The following APBB2 variants were observed in gnomAD, a reference collection of about 807,000 sequenced individuals.
APBB2 encodes the protein Fe65-like 1.
In APBB2, 38 loss-of-function variants were observed where a neutral mutation model predicts 82.5. The ratio of observed to expected loss-of-function variants is 0.46; its 90% CI spans 0.36 to 0.60. The LOEUF is 0.60. Among genes scored for constraint, APBB2 ranks in the 20% least tolerant of loss-of-function variants. The pLI is 0.00. For synonymous variants in APBB2, 341 were observed against 368.2 expected, an observed-to-expected ratio of 0.93 and a Z score of 0.85; for missense variants, 772 against 972.3, an observed-to-expected ratio of 0.79 and a Z score of 2.74.
intron 4 of APBB2, among the ~76,000 whole-genome samples, chr4:41,036,799 T>C (rs1046277739): frequency 1.3e-5 from 2 of 152,202 alleles, no homozygotes; most frequent in African/African-American, 4.8e-5. Context: ...GAGGTACAAC[T>C]ATGCAGAACT....
At chr4:41,068,491 G>A (rs1732693799) in intron 3 of APBB2, among the ~76,000 whole-genome samples, 1 of 152,126 alleles carries the variant, frequency 6.6e-6, no homozygotes. Context: ...TGAGATGACA[G>A]GTAAATGGTC....
intron 6 of APBB2, among the ~76,000 whole-genome samples, chr4:40,948,682 C>T (rs1372517522): frequency 2.0e-5 from 3 of 149,872 alleles, no homozygotes; most frequent in African/African-American, 7.4e-5. Context: ...ATCACTTGAA[C>T]CCAGGAGGCG....
intron 12 of APBB2, chr4:40,880,527 T>G (rs1434117966): frequency 1.0e-6 from 1 of 985,354 alleles, no homozygotes; most frequent in African/African-American, 1.7e-5. Context: ...TATGACTTCC[T>G]CTGTTCTCAA....
At position 40,841,430 on chromosome 4, in the gene APBB2, A is replaced by G. The variant is rs551877815; in HGVS notation, c.1530-10853T>C. On this transcript the variant is annotated intron_variant, in intron 12 of 17. Transcript: ENST00000508593. ...GGAATCATGGAGCTTAAAGTCCCCA[A>G]TCAATCAAACGGGCAGGCGGACATG... Among the ~76,000 whole-genome samples, 110 of 151,364 alleles carry G rather than the reference A, an allele frequency of 7.3e-4. 1 individual carries two copies. Among genetic ancestry groups the G allele is most frequent in the African/African-American group, 2.5e-3 (103 of 40,662 alleles).
chr4:40,939,934 G>A (rs1191333896), intron 7 of APBB2, among the ~76,000 whole-genome samples: 5 of 152,186 alleles, frequency 3.3e-5, no homozygotes, highest in African/African-American at 1.2e-4. Flanking sequence ...GCAGTGCAAT[G>A]CAGAAACTAC....
At chr4:41,100,289 C>T (rs147875041) in intron 3 of APBB2, among the ~76,000 whole-genome samples, 1 of 152,274 alleles carries the variant, frequency 6.6e-6, no homozygotes, top group Non-Finnish European at 1.5e-5. Context: ...GTCTAAAACA[C>T]CTGAAAGCTC....
intron 3 of APBB2, among the ~76,000 whole-genome samples, chr4:41,067,458 G>A (rs975584986): frequency 4.6e-5 from 7 of 152,128 alleles, no homozygotes; most frequent in African/African-American, 1.7e-4. Context: ...AGATTCAGGG[G>A]GAGATACTGA....
At chr4:41,115,350 A>G (rs1750620151) in intron 2 of APBB2, among the ~76,000 whole-genome samples, 2 of 152,216 alleles carry the variant, frequency 1.3e-5, no homozygotes, top group Non-Finnish European at 2.9e-5. Context: ...TTAAACGTAG[A>G]TCTAAAATCA....
chr4:40,944,932 G>T lies in APBB2; in HGVS notation c.977C>A (p.Ala326Glu), dbSNP rs1181934336. 1.2e-6 allele frequency: 2 copies of T among 1,613,870 alleles called. No individual in the cohort carries two copies. Among genetic ancestry groups the T allele is most frequent in the African/African-American group, 2.7e-5 (2 of 75,008 alleles). Residue 326 changes from alanine to glutamate, a missense_variant, in exon 7 of 18, where the codon GCA (alanine) becomes GAA (glutamate). Physicochemically the swap from Ala to Glu is moderately radical, Grantham distance 107. Coordinates refer to ENST00000508593, the MANE Select transcript of APBB2 (RefSeq NM_004307.2). ...TQWERPVSIP[A>E]DLQGSRKGSL... ...CCCTTTCCTAGAACCCTGGAGATCT[G>T]CTGGGATGGAGACGGGCCGTTCCCA...
intron 6 of APBB2, among the ~76,000 whole-genome samples, chr4:41,007,524 C>T (rs755404257): frequency 6.6e-6 from 1 of 152,122 alleles, no homozygotes; most frequent in East Asian, 1.9e-4. Context: ...GCCCTCCCAA[C>T]ATATAGACCT....
chr4:40,955,154 C>A (rs183463801), intron 6 of APBB2, among the ~76,000 whole-genome samples: 13 of 152,168 alleles, frequency 8.5e-5, no homozygotes, highest in African/African-American at 3.1e-4. Context: ...ATAGGGTGGG[C>A]TATTTAAGAG....
intron 4 of APBB2, among the ~76,000 whole-genome samples, chr4:41,036,508 T>C (rs768210628): frequency 2.6e-5 from 4 of 152,228 alleles, no homozygotes; most frequent in Non-Finnish European, 5.9e-5. Flanking sequence ...GGGGATACTT[T>C]AGTGAGTAAA....
At position 41,104,715 on chromosome 4, in the gene APBB2, A is replaced by G. The variant is rs149152156; in HGVS notation, c.-260-3965T>C. 1.8e-3 allele frequency among the ~76,000 whole-genome samples: 272 copies of G among 152,140 alleles called. 2 individuals carry two copies. Among genetic ancestry groups the G allele is most frequent in the Admixed American group, 0.013 (196 of 15,282 alleles). On this transcript the variant is annotated intron_variant, in intron 2 of 17. Transcript: ENST00000508593. ...CCATCTTTGTGTCCATACATACTCA[A>G]TGTTTAGCTCCCACTTACAAGCGAG...
chr4:41,117,191 T>C (rs1209232712), intron 2 of APBB2, among the ~76,000 whole-genome samples: 1 of 151,974 alleles, frequency 6.6e-6, no homozygotes, highest in African/African-American at 2.4e-5. Context: ...TTACTAAGAG[T>C]TTCTCATGGG....
At chr4:40,841,130 G>T (rs369707268) in intron 12 of APBB2, among the ~76,000 whole-genome samples, 1 of 152,138 alleles carries the variant, frequency 6.6e-6, no homozygotes, top group Admixed American at 6.5e-5. Flanking sequence ...CTTAACCACT[G>T]GACTATGACA....
intron 12 of APBB2, among the ~76,000 whole-genome samples, chr4:40,888,110 C>T (rs1299545733): frequency 6.6e-6 from 1 of 152,204 alleles, no homozygotes; most frequent in African/African-American, 2.4e-5. Context: ...CATCTGCTAG[C>T]GTGTGTTTAA....
chr4:41,000,210 C>T (rs1462030931), intron 6 of APBB2, among the ~76,000 whole-genome samples: 1 of 151,282 alleles, frequency 6.6e-6, no homozygotes, highest in East Asian at 1.9e-4. Context: ...TGCAGTGAAC[C>T]GTGATTACGC....
chr4:40,855,889 T>G (rs1455481319), intron 12 of APBB2, among the ~76,000 whole-genome samples: 1 of 152,222 alleles, frequency 6.6e-6, no homozygotes, highest in Non-Finnish European at 1.5e-5. Context: ...ACTTATAACT[T>G]TTACAAAATT....
At position 40,816,141 on chromosome 4, in the gene APBB2, G is replaced by A. The variant is rs927170379; in HGVS notation, c.2231C>T (p.Ser744Phe). 2.5e-6 allele frequency: 4 copies of A among 1,614,050 alleles called. No individual in the cohort carries two copies. Among genetic ancestry groups the A allele is most frequent in the Admixed American group, 1.7e-5 (1 of 59,984 alleles). The part of the protein sequence containing the change: ...VTTNVKRGVL[S>F]LIDTLKQKRP... ...TTTCTGTTTCAAAGTGTCAATGAGG[G>A]ATAAGACCCCTCGTTTTACATTGGT... is the stretch of plus-strand genomic sequence containing the variant. Residue 744 changes from serine (S) to phenylalanine (F), a missense_variant, in exon 18 of 18, where the codon TCC (serine) becomes TTC (phenylalanine). By Grantham distance (155) the Ser-to-Phe change is radical. Coordinates refer to ENST00000508593, the MANE Select transcript of APBB2 (RefSeq NM_004307.2).
Sources: allele counts gnomAD v4.1 joint callset (sites outside exome capture counted in the v4.1 genomes callset), GRCh38; gene constraint gnomAD v4.1.1; transcripts MANE v1.5; gene names NCBI Gene and HGNC (gene_info 2026-07-23, HGNC 2026-07-21).